PICALM: variants seen among roughly 807,000 people sequenced by gnomAD.
PICALM encodes phosphatidylinositol binding clathrin assembly protein.
A neutral mutation model predicts 80.5 loss-of-function variants in PICALM; 40 were observed. The ratio of observed to expected loss-of-function variants is 0.50; its 90% CI spans 0.39 to 0.65. The LOEUF (loss-of-function observed/expected upper bound fraction) is 0.65, where lower values mean the gene tolerates loss of function less well. Ranked by LOEUF, PICALM falls within the 30% of genes least tolerant of loss-of-function variation. PICALM has a pLI of 0.00. For missense variants in PICALM, 676 were observed against 778.9 expected (o/e 0.87, Z 1.57); for synonymous variants, 288 against 260.3 (o/e 1.11, Z -1.02).
intron 1 of PICALM, among the ~76,000 whole-genome samples, chr11:86,068,309 G>C (rs1184020924): frequency 6.6e-6 from 1 of 152,238 alleles, no homozygotes; most frequent in African/African-American, 2.4e-5. Flanking sequence ...GGAAGGAAGA[G>C]CAGAAGGCTG....
chr11:86,061,572 G>C (rs759451025), intron 1 of PICALM, among the ~76,000 whole-genome samples: 2 of 152,030 alleles, frequency 1.3e-5, no homozygotes, highest in African/African-American at 2.4e-5. Flanking sequence ...ACACCTATTA[G>C]AATGGCCAAA....
intron 1 of PICALM, among the ~76,000 whole-genome samples, chr11:86,044,377 T>C (rs2096030922): frequency 6.6e-6 from 1 of 152,204 alleles, no homozygotes; most frequent in Non-Finnish European, 1.5e-5. Context: ...AGGCCTCCCA[T>C]TCATTCTATA....
intron 19 of PICALM, among the ~76,000 whole-genome samples, chr11:85,972,479 G>A (rs545234167): frequency 1.6e-4 from 25 of 152,238 alleles, no homozygotes; most frequent in African/African-American, 4.8e-4. Context: ...GAAATGTGAC[G>A]GTGAGAGCAG....
intron 1 of PICALM, among the ~76,000 whole-genome samples, chr11:86,034,539 A>G (rs75605508): frequency 1.7e-3 from 256 of 152,304 alleles, no homozygotes; most frequent in African/African-American, 5.7e-3. Flanking sequence ...TTGCCAACCA[A>G]TAAGTTACCA....
At chr11:86,005,402 C>T (rs7123605) in intron 8 of PICALM, among the ~76,000 whole-genome samples, 10 of 152,056 alleles carry the variant, frequency 6.6e-5, no homozygotes, top group African/African-American at 1.7e-4. Context: ...CAAATCCACA[C>T]GACAAAGAGT....
chr11:85,997,058 A>C, intron 11 of PICALM, 129 bp from the exon 12 acceptor site: 7 of 552,092 alleles, frequency 1.3e-5, no homozygotes, highest in East Asian at 3.1e-5. Flanking sequence ...TATAAATCTC[A>C]AAAGAGGAAC....
At chr11:86,048,025 C>T (rs1003541845) in intron 1 of PICALM, among the ~76,000 whole-genome samples, 5 of 151,830 alleles carry the variant, frequency 3.3e-5, no homozygotes, top group Non-Finnish European at 7.4e-5. Context: ...CTCCTGAACT[C>T]GGGAGGCAGA....
chr11:86,046,235 A>G (rs2096069774), intron 1 of PICALM, among the ~76,000 whole-genome samples: 1 of 152,178 alleles, frequency 6.6e-6, no homozygotes, highest in Admixed American at 6.5e-5. Context: ...GGTCCCATCC[A>G]TTTCCATGTG....
At chr11:85,993,255 T>A (rs2094849884) in intron 12 of PICALM, among the ~76,000 whole-genome samples, 1 of 152,070 alleles carries the variant, frequency 6.6e-6, no homozygotes, top group South Asian at 2.1e-4. Flanking sequence ...CCTGGCTATT[T>A]TCCGATTTTT....
chr11:85,981,658 A>T, intron 16 of PICALM, 87 bp downstream of exon 16: 1 of 969,990 alleles, frequency 1.0e-6, no homozygotes, highest in Non-Finnish European at 1.6e-6. Flanking sequence ...TATTTTTGAG[A>T]GGAAAGCCAA....
intron 1 of PICALM, among the ~76,000 whole-genome samples, chr11:86,032,334 A>G (rs538731834): frequency 6.6e-6 from 1 of 152,320 alleles, no homozygotes; most frequent in East Asian, 1.9e-4. Flanking sequence ...AAGAAAATGT[A>G]AAATAGGTTG....
intron 1 of PICALM, among the ~76,000 whole-genome samples, chr11:86,044,806 T>G (rs759278298): frequency 2.0e-5 from 3 of 152,212 alleles, no homozygotes; most frequent in Non-Finnish European, 4.4e-5. Flanking sequence ...GAACTGCACA[T>G]GCAAGGGATC....
intron 2 of PICALM, among the ~76,000 whole-genome samples, chr11:86,029,453 C>T (rs760911725): frequency 1.1e-4 from 16 of 152,284 alleles, no homozygotes; most frequent in Middle Eastern, 3.4e-3. Flanking sequence ...TTTGCTTTAA[C>T]TGCCTACAGG....
At chr11:86,010,625 G>A (rs1335853676) in intron 7 of PICALM, among the ~76,000 whole-genome samples, 3 of 152,110 alleles carry the variant, frequency 2.0e-5, no homozygotes, top group East Asian at 1.9e-4. Context: ...CCCAGCCAAC[G>A]AAAACATTTT....
intron 4 of PICALM, 107 bp downstream of exon 4, chr11:86,022,260 C>A: frequency 3.1e-6 from 2 of 643,724 alleles, no homozygotes; most frequent in South Asian, 1.9e-5. Context: ...AAATGAGGCT[C>A]ATCTTTTAAA....
chr11:86,040,267 G>C (rs922137800), intron 1 of PICALM, among the ~76,000 whole-genome samples: 1 of 152,140 alleles, frequency 6.6e-6, no homozygotes, highest in East Asian at 1.9e-4. Context: ...AATGTAAAAT[G>C]AGTCAAATGT....
At chr11:85,975,263 A>G (rs1169998204) in intron 18 of PICALM, among the ~76,000 whole-genome samples, 3 of 151,840 alleles carry the variant, frequency 2.0e-5, no homozygotes, top group South Asian at 2.1e-4. Flanking sequence ...GATTCTCTGA[A>G]TAAGCCTGCT....
Position 86,023,599 on chromosome 11 carries a change from C to G in PICALM, c.350-1130G>C, listed in dbSNP as rs183495697. The G allele has an allele frequency of 8.8e-5, 86 of 982,650 alleles. No homozygotes were observed. The Admixed American group carries it at 5.1e-3, about 58-fold the overall frequency. The allele number at this position is 982,650 out of a possible 1,614,324, so 60.9% of individuals were successfully genotyped here. A position where few individuals can be genotyped will look rare whatever the true frequency, so the allele number is the denominator to read the frequency against. On this transcript the variant is annotated intron_variant, in intron 3 of 19. Coordinates refer to ENST00000393346, the MANE Select transcript of PICALM (RefSeq NM_007166.4). The stretch of plus-strand genomic sequence containing the variant: ...ACCACTAGAATTGCTTAATTTCCAT[C>G]TTAAGAAAATGATAAATCAGTCGCT...
In PICALM at chr11:85,976,808, G is replaced by C. The variant is rs1212151841; in HGVS notation, c.1780-126C>G. ...AGACAGCTGTGAGTAAGTGACACTT[G>C]TGATCATTAAGAACTGTCGATTAAT... is the stretch of plus-strand genomic sequence containing the variant. On this transcript the variant is annotated intron_variant, in intron 17 of 19. Coordinates refer to ENST00000393346, the MANE Select transcript of PICALM (RefSeq NM_007166.4). 4 of 621,532 alleles carry C rather than the reference G, an allele frequency of 6.4e-6. No homozygotes were observed. In the Admixed American group the frequency reaches 1.1e-4, roughly 17 times the overall value. 38.5% of individuals were successfully genotyped at this position (621,532 alleles called of 1,614,324 possible).
Sources: gnomAD v4.1 joint callset for allele counts (sites outside exome capture counted in the v4.1 genomes callset) on GRCh38, gnomAD v4.1.1 for gene constraint, MANE v1.5 for transcripts, NCBI Gene and HGNC (gene_info 2026-07-23, HGNC 2026-07-21) for gene names.